Variants in FAM151B observed in about 807,000 individuals in gnomAD.
FAM151B encodes protein FAM151B.
FAM151B carries 24 observed loss-of-function variants against 31.2 expected under a neutral mutation model. That is an observed-to-expected ratio of 0.77 (90% confidence interval 0.56 to 1.08). The LOEUF is 1.08. Among genes scored for constraint, FAM151B ranks in the 50% least tolerant of loss-of-function variants. The pLI is 0.00. For synonymous variants in FAM151B, 105 were observed against 111.4 expected (o/e 0.94, Z 0.36); for missense variants, 293 against 328.6 (o/e 0.89, Z 0.84).
At chr5:80,539,759 T>C (rs1232631801) in intron 5 of FAM151B, among the ~76,000 whole-genome samples, 1 of 151,722 alleles carries the variant, frequency 6.6e-6, no homozygotes, top group Non-Finnish European at 1.5e-5. Context: ...CCCCAAGTGC[T>C]GGGATTACAG....
chr5:80,526,143 T>A (rs1021341308), intron 5 of FAM151B, among the ~76,000 whole-genome samples: 1 of 152,066 alleles, frequency 6.6e-6, no homozygotes, highest in African/African-American at 2.4e-5. Context: ...GTCAGCCTCC[T>A]TATACCCACA....
In FAM151B at chr5:80,513,576, A is replaced by G. The variant is rs766249807; in HGVS notation, c.152-28A>G. On this transcript the variant is annotated intron_variant, in intron 2 of 5. Transcript: ENST00000282226. Reference sequence around the variant, plus strand: ...TAGTTCTGTGCCCTGTTTTCTTAGCATTAACTGAAGTTCTTTTATTTGGAC... The same window carrying G: ...TAGTTCTGTGCCCTGTTTTCTTAGCGTTAACTGAAGTTCTTTTATTTGGAC... 8.1e-6 allele frequency: 13 copies of G among 1,598,662 alleles called. No homozygotes were observed. The East Asian group carries it at 2.9e-4, about 36-fold the overall frequency.
intron 5 of FAM151B, among the ~76,000 whole-genome samples, chr5:80,538,462 CTT>C (rs562628173): frequency 5.7e-4 from 62 of 109,022 alleles, no homozygotes; most frequent in African/African-American, 1.3e-3. Flanking sequence ...TTCTTTCTTT[CTT>C]TCTTTCTTTC....
chr5:80,494,484 C>CTTTCTTTCTTTA, intron 1 of FAM151B, among the ~76,000 whole-genome samples: 1 of 142,262 alleles, frequency 7.0e-6, no homozygotes, highest in African/African-American at 2.8e-5. Context: ...TTCTTTCTTT[C>CTTTCTTTCTTTA]TTTCTTTCTT....
intron 5 of FAM151B, among the ~76,000 whole-genome samples, chr5:80,540,696 T>C (rs773739561): frequency 6.6e-6 from 1 of 152,236 alleles, no homozygotes; most frequent in East Asian, 1.9e-4. Context: ...GCAAAAAATA[T>C]AGGTTTCAGA....
In FAM151B at chr5:80,521,260, G is replaced by GAC. The variant is rs1433547922; in HGVS notation, c.536-742_536-741dup. On this transcript the variant is annotated intron_variant, in intron 4 of 5. Coordinates refer to ENST00000282226, the MANE Select transcript of FAM151B (RefSeq NM_205548.3). ...CCACCTCAGCCTCCAGAGTAGCTGA[G>GAC]ACCACAGGCATACACCATCACACAC... Among the ~76,000 whole-genome samples, 10 of 150,922 alleles carry GAC rather than the reference G, an allele frequency of 6.6e-5. No individual in the cohort carries two copies. The East Asian group carries it at 1.4e-3, about 21-fold the overall frequency.
intron 2 of FAM151B, among the ~76,000 whole-genome samples, chr5:80,513,130 C>T (rs1419536666): frequency 1.3e-5 from 2 of 152,150 alleles, no homozygotes; most frequent in African/African-American, 2.4e-5. Context: ...AGCTCCTTAC[C>T]TGTTCAAAGG....
intron 1 of FAM151B, chr5:80,500,669 C>T (rs1308950706): frequency 1.3e-6 from 1 of 775,422 alleles, no homozygotes; most frequent in East Asian, 2.4e-5. Context: ...GCTTCTTCGC[C>T]TTCATCAAAT....
At chr5:80,512,780 T>TAAA (rs149239966) in intron 2 of FAM151B, among the ~76,000 whole-genome samples, 40,137 of 132,406 alleles carry the variant, frequency 0.3, 6,004 homozygotes, top group East Asian at 0.43. Flanking sequence ...ACCCTGTTTC[T>TAAA]AAAAAAAAAA....
rs576352681 is a variant in FAM151B, at chr5:80,530,135, C to G, written c.671+7997C>G. Among the ~76,000 whole-genome samples the G allele has an allele frequency of 1.9e-4, 29 of 152,212 alleles. No homozygotes were observed. In the South Asian group the frequency reaches 3.9e-3, roughly 21 times the overall value. ...TATAAACAGAACCAAAGACAAAAACCACATAATTATCTCAATAGATTCAGA... is the reference window on the plus strand; with the variant it reads ...TATAAACAGAACCAAAGACAAAAACGACATAATTATCTCAATAGATTCAGA... On this transcript the variant is annotated intron_variant, in intron 5 of 5. Transcript: ENST00000282226.
In FAM151B at chr5:80,511,353, A is replaced by T. The variant is rs186517046; in HGVS notation, c.152-2251A>T. On this transcript the variant is annotated intron_variant, in intron 2 of 5. Coordinates refer to ENST00000282226, the MANE Select transcript of FAM151B (RefSeq NM_205548.3). ...GCAGGGTGTGGTGGTGCATGCTTGT[A>T]GTCCTGGCTACTCAGGAGGCTGAGG... 7.6e-3 allele frequency among the ~76,000 whole-genome samples: 1,068 copies of T among 140,164 alleles called. 10 individuals are homozygous for T. Among genetic ancestry groups the T allele is most frequent in the African/African-American group, 0.026 (994 of 38,336 alleles). 92.0% of individuals were successfully genotyped at this position (140,164 alleles called of 152,430 possible). A position where few individuals can be genotyped will look rare whatever the true frequency, so the allele number is the denominator to read the frequency against.
chr5:80,502,846 CTT>C (rs547125216), intron 2 of FAM151B, among the ~76,000 whole-genome samples: 115 of 152,256 alleles, frequency 7.6e-4, no homozygotes, highest in African/African-American at 2.6e-3. Flanking sequence ...AGAATTTTGT[CTT>C]GTTTCATGTT....
intron 1 of FAM151B, chr5:80,501,263 G>T: frequency 2.1e-6 from 1 of 475,084 alleles, no homozygotes. Context: ...CAGGTAATCC[G>T]CCCACCTCAG....
chr5:80,501,769 T>C (rs765375062), intron 1 of FAM151B, 23 bp from the exon 2 acceptor site: 21 of 1,553,246 alleles, frequency 1.4e-5, no homozygotes, highest in Non-Finnish European at 1.8e-5. Flanking sequence ...ATATCACTTT[T>C]CATGTAAACA....
intron 2 of FAM151B, among the ~76,000 whole-genome samples, chr5:80,506,771 TG>T (rs764414898): frequency 5.9e-5 from 9 of 152,174 alleles, no homozygotes; most frequent in Admixed American, 1.3e-4. Context: ...CTAAAGGCTT[TG>T]ACCTCTTGCC....
intron 2 of FAM151B, among the ~76,000 whole-genome samples, chr5:80,513,082 T>G (rs1391313903): frequency 6.6e-6 from 1 of 152,158 alleles, no homozygotes; most frequent in African/African-American, 2.4e-5. Flanking sequence ...AGTCAGTCTG[T>G]CACAGCCTGC....
chr5:80,541,902 A>G lies in FAM151B; in HGVS notation c.*70A>G, dbSNP rs1745918165. The G allele has an allele frequency of 4.8e-6, 7 of 1,462,886 alleles. No individual in the cohort carries two copies. Among genetic ancestry groups the G allele is most frequent in the Non-Finnish European group, 3.7e-6 (4 of 1,082,644 alleles). 90.6% of individuals were successfully genotyped at this position (1,462,886 alleles called of 1,614,324 possible). On this transcript the variant is annotated 3_prime_UTR_variant, in exon 6 of 6. Transcript: ENST00000282226. The stretch of plus-strand genomic sequence containing the variant: ...TTCTCTCCATTGGTCTGAATTAATT[A>G]CCATATAAATTATGGTTATTGATTG...
intron 3 of FAM151B, 70 bp downstream of exon 3, chr5:80,513,839 A>ATGT: frequency 7.2e-7 from 1 of 1,395,210 alleles, no homozygotes; most frequent in African/African-American, 1.5e-5. Context: ...TATTTTTTTT[A>ATGT]ATGTTATCCA....
intron 5 of FAM151B, among the ~76,000 whole-genome samples, chr5:80,538,402 T>C (rs1249046150): frequency 4.2e-5 from 2 of 47,988 alleles, no homozygotes; most frequent in African/African-American, 2.2e-4. Flanking sequence ...CTTTCTTTCT[T>C]TCTTTCTTTC....
Sources: allele counts gnomAD v4.1 joint callset (sites outside exome capture counted in the v4.1 genomes callset), GRCh38; gene constraint gnomAD v4.1.1; transcripts MANE v1.5; gene names NCBI Gene and HGNC (gene_info 2026-07-23, HGNC 2026-07-21).